PTPRT: variants seen among roughly 807,000 people sequenced by gnomAD.
PTPRT encodes protein tyrosine phosphatase receptor type T, also known as receptor-type tyrosine-protein phosphatase T.
Under a neutral mutation model 176.8 loss-of-function variants are expected in PTPRT, and 56 were observed. The ratio of observed to expected loss-of-function variants is 0.32; its 90% confidence interval spans 0.26 to 0.40. The LOEUF (loss-of-function observed/expected upper bound fraction) is 0.40. PTPRT is among the 10% of genes least tolerant of loss of function. The probability of loss-of-function intolerance (pLI) is 1.00; values close to 1 mark genes in which losing one functional copy is unlikely to be tolerated. For missense variants in PTPRT, 1,540 were observed against 1,908.2 expected (o/e 0.81, Z 3.60); for synonymous variants, 783 against 739.0 (o/e 1.06, Z -0.96).
chr20:42,567,558 AG>A (rs1240942579), intron 7 of PTPRT, among the ~76,000 whole-genome samples: 7 of 152,194 alleles, frequency 4.6e-5, no homozygotes, highest in Admixed American at 4.6e-4. Flanking sequence ...CTATTTCCCA[AG>A]CCACATTGAA....
chr20:42,601,599 C>G (rs2073782124), intron 7 of PTPRT, among the ~76,000 whole-genome samples: 1 of 152,120 alleles, frequency 6.6e-6, no homozygotes. Flanking sequence ...ATTAAATAGT[C>G]TACTATAAGA....
At chr20:42,689,266 G>A (rs7274312) in intron 6 of PTPRT, among the ~76,000 whole-genome samples, 5,481 of 152,314 alleles carry the variant, frequency 0.036, 132 homozygotes, top group South Asian at 0.087. Context: ...ATGGAACAAT[G>A]TGGCAGAGAA....
At chr20:42,042,557 A>T in the PTPRT span, among the ~76,000 whole-genome samples, 104 of 152,174 alleles carry the variant, frequency 6.8e-4, no homozygotes, top group Non-Finnish European at 1.2e-3. Flanking sequence ...ATTCTTTTGC[A>T]TAATGTTTGG....
At chr20:42,461,876 T>G (rs896544336) in intron 8 of PTPRT, among the ~76,000 whole-genome samples, 1 of 151,986 alleles carries the variant, frequency 6.6e-6, no homozygotes, top group Non-Finnish European at 1.5e-5. Context: ...TTCTGGGTTT[T>G]TTTTTTAATC....
At chr20:42,829,197 C>T (rs1383003863) in intron 2 of PTPRT, among the ~76,000 whole-genome samples, 2 of 150,280 alleles carry the variant, frequency 1.3e-5, no homozygotes, top group African/African-American at 4.9e-5. Flanking sequence ...GATTTAATTA[C>T]TGCCTGATTC....
intron 14 of PTPRT, among the ~76,000 whole-genome samples, chr20:42,240,962 A>G (rs2056342332): frequency 6.6e-6 from 1 of 152,226 alleles, no homozygotes; most frequent in South Asian, 2.1e-4. Context: ...TTTTAAGTAT[A>G]TTGCATGAAC....
At chr20:42,602,225 T>G (rs2073794747) in intron 7 of PTPRT, among the ~76,000 whole-genome samples, 1 of 152,172 alleles carries the variant, frequency 6.6e-6, no homozygotes. Flanking sequence ...TGTTCCTTTG[T>G]GCACAACAGG....
intron 2 of PTPRT, among the ~76,000 whole-genome samples, chr20:42,852,391 T>C (rs1332485253): frequency 3.3e-5 from 5 of 152,208 alleles, no homozygotes; most frequent in Non-Finnish European, 5.9e-5. Context: ...TGTCCTGTTA[T>C]GATTGGGTTT....
the PTPRT span, among the ~76,000 whole-genome samples, chr20:42,055,176 C>T: frequency 6.6e-6 from 1 of 152,208 alleles, no homozygotes; most frequent in Non-Finnish European, 1.5e-5. Flanking sequence ...TACAGGTGAG[C>T]CTCCAGCATC....
At chr20:42,469,904 G>A (rs2145915671) in intron 8 of PTPRT, among the ~76,000 whole-genome samples, 1 of 152,244 alleles carries the variant, frequency 6.6e-6, no homozygotes, top group East Asian at 1.9e-4. Context: ...ATGAGATTTT[G>A]CAGCTGAGAA....
intron 7 of PTPRT, among the ~76,000 whole-genome samples, chr20:42,625,266 T>G (rs897768238): frequency 6.6e-6 from 1 of 152,140 alleles, no homozygotes; most frequent in African/African-American, 2.4e-5. Context: ...GGGCACGTTC[T>G]TATTATGCAT....
At chr20:42,211,591 A>G (rs1246337416) in intron 15 of PTPRT, among the ~76,000 whole-genome samples, 1 of 148,786 alleles carries the variant, frequency 6.7e-6, no homozygotes, top group African/African-American at 2.5e-5. Flanking sequence ...TCAAAACCAC[A>G]ATGAGATACC....
chr20:42,912,566 G>A (rs6030559), intron 1 of PTPRT, among the ~76,000 whole-genome samples: 32 of 152,076 alleles, frequency 2.1e-4, no homozygotes, highest in African/African-American at 7.7e-4. Context: ...TTCCCACTCT[G>A]GTAGAAATGC....
intron 11 of PTPRT, among the ~76,000 whole-genome samples, chr20:42,334,876 A>G (rs2058018950): frequency 6.6e-6 from 1 of 152,224 alleles, no homozygotes; most frequent in Non-Finnish European, 1.5e-5. Flanking sequence ...CTTCTAGTTA[A>G]AAGCGGAAGA....
intron 4 of PTPRT, among the ~76,000 whole-genome samples, chr20:42,777,478 C>T (rs59111183): frequency 0.47 from 70,965 of 151,696 alleles, 18,402 homozygotes; most frequent in Non-Finnish European, 0.59. Context: ...TATATCCAAG[C>T]AGCCCTCCCG....
chr20:42,927,390 C>T (rs771607912), intron 1 of PTPRT, among the ~76,000 whole-genome samples: 2 of 152,058 alleles, frequency 1.3e-5, no homozygotes, highest in African/African-American at 4.8e-5. Flanking sequence ...GGTGAAACCC[C>T]GTCTCTACTA....
chr20:42,783,629 G>A (rs944630669), intron 3 of PTPRT, among the ~76,000 whole-genome samples: 3 of 152,074 alleles, frequency 2.0e-5, no homozygotes, highest in Non-Finnish European at 4.4e-5. Flanking sequence ...CAGTTTTTAG[G>A]GACAGACACC....
chr20:42,057,586 T>C, the PTPRT span, among the ~76,000 whole-genome samples: 327 of 152,192 alleles, frequency 2.1e-3, 2 homozygotes, highest in Non-Finnish European at 1.8e-3. Context: ...ATGTTTCTAA[T>C]TGTTCTTATC....
At chr20:42,189,187 C>T (rs188820029) in intron 16 of PTPRT, among the ~76,000 whole-genome samples, 4 of 152,166 alleles carry the variant, frequency 2.6e-5, no homozygotes, top group South Asian at 2.1e-4. Context: ...TCTCTGAGTC[C>T]ACCAGACCTC....
Sources: allele counts gnomAD v4.1 joint callset (sites outside exome capture counted in the v4.1 genomes callset), GRCh38; gene constraint gnomAD v4.1.1; transcripts MANE v1.5; gene names NCBI Gene and HGNC (gene_info 2026-07-23, HGNC 2026-07-21).